The following STAU2 variants were observed in gnomAD, a reference collection of about 807,000 sequenced individuals.
STAU2 encodes staufen double-stranded RNA binding protein 2.
In STAU2, 20 loss-of-function variants were observed where a neutral mutation model predicts 65.9. The ratio of observed to expected loss-of-function variants is 0.30; its 90% CI spans 0.21 to 0.44. STAU2 has a LOEUF of 0.44. Ranked by LOEUF, STAU2 falls within the 20% of genes least tolerant of loss-of-function variation. The pLI, the probability that STAU2 is intolerant of heterozygous loss-of-function variation, is 1.00. For synonymous variants in STAU2, 232 were observed against 233.9 expected, an observed-to-expected ratio of 0.99 and a Z score of 0.07; for missense variants, 558 against 683.9, an observed-to-expected ratio of 0.82 and a Z score of 2.05.
At chr8:73,542,175 A>G (rs1806587339) in intron 13 of STAU2, among the ~76,000 whole-genome samples, 1 of 152,162 alleles carries the variant, frequency 6.6e-6, no homozygotes, top group Admixed American at 6.6e-5. Flanking sequence ...AAAGATATAC[A>G]AAGTATCTTA....
intron 12 of STAU2, among the ~76,000 whole-genome samples, chr8:73,554,298 T>C (rs1807560202): frequency 6.6e-6 from 1 of 152,246 alleles, no homozygotes. Context: ...AGCTTTGTGC[T>C]GGGCTGAGCA....
intron 6 of STAU2, among the ~76,000 whole-genome samples, chr8:73,626,504 C>T (rs1813651394): frequency 1.3e-5 from 2 of 152,146 alleles, no homozygotes; most frequent in Non-Finnish European, 2.9e-5. Flanking sequence ...GATCTTGTTG[C>T]TATTTACCCG....
intron 3 of STAU2, among the ~76,000 whole-genome samples, chr8:73,728,652 A>C (rs1402014878): frequency 6.6e-6 from 1 of 152,190 alleles, no homozygotes; most frequent in Non-Finnish European, 1.5e-5. Context: ...CAAGTCTTTC[A>C]TAAGCAAGTC....
In STAU2 at chr8:73,701,609, G is replaced by T. The variant is rs558161814; in HGVS notation, c.114+7423C>A. On this transcript the variant is annotated intron_variant, in intron 4 of 14. Coordinates refer to ENST00000524300, the MANE Select transcript of STAU2 (RefSeq NM_001164380.2). The stretch of plus-strand genomic sequence containing the variant: ...ATGCTGGCAAGGTTGTGGAGAAAAG[G>T]GTACCCTCATACGTTGTTAGCAAGA... 3.9e-5 allele frequency among the ~76,000 whole-genome samples: 6 copies of T among 152,054 alleles called. No individual in the cohort carries two copies. In the South Asian group the frequency reaches 1.2e-3, roughly 31 times the overall value.
At chr8:73,480,311 A>G (rs1227021950) in intron 13 of STAU2, among the ~76,000 whole-genome samples, 2 of 152,164 alleles carry the variant, frequency 1.3e-5, no homozygotes, top group East Asian at 3.9e-4. Context: ...TATCCAATGT[A>G]TAATAAATGT....
chr8:73,617,922 T>G (rs1812954850), intron 6 of STAU2, among the ~76,000 whole-genome samples: 1 of 152,214 alleles, frequency 6.6e-6, no homozygotes, highest in Admixed American at 6.5e-5. Flanking sequence ...AGATTCAGCA[T>G]AAGAATAAGG....
intron 13 of STAU2, among the ~76,000 whole-genome samples, chr8:73,472,267 ATG>A (rs1820077602): frequency 1.3e-5 from 2 of 152,360 alleles, no homozygotes; most frequent in East Asian, 3.9e-4. Context: ...AGTGCCGCTA[ATG>A]GACTAATGAT....
chr8:73,599,411 C>G (rs1260541427), intron 10 of STAU2, among the ~76,000 whole-genome samples: 1 of 152,062 alleles, frequency 6.6e-6, no homozygotes, highest in Non-Finnish European at 1.5e-5. Flanking sequence ...TCCCATATAT[C>G]AGTTTTTTTA....
chr8:73,577,823 A>G (rs1015683097), intron 12 of STAU2, among the ~76,000 whole-genome samples: 2 of 152,056 alleles, frequency 1.3e-5, no homozygotes, highest in African/African-American at 4.8e-5. Flanking sequence ...ATTGCTAAAC[A>G]TTTTTTCATG....
At chr8:73,497,527 G>C (rs182330472) in intron 13 of STAU2, among the ~76,000 whole-genome samples, 1 of 151,642 alleles carries the variant, frequency 6.6e-6, no homozygotes, top group Non-Finnish European at 1.5e-5. Flanking sequence ...CTGATACTCA[G>C]GTTCTAACTG....
intron 4 of STAU2, among the ~76,000 whole-genome samples, chr8:73,701,096 T>A (rs1348146027): frequency 6.6e-6 from 1 of 151,942 alleles, no homozygotes; most frequent in Non-Finnish European, 1.5e-5. Context: ...TAGACCCCTA[T>A]CTCTTGCCAT....
chr8:73,456,273 A>G lies in STAU2; in HGVS notation c.1531-33571T>C, dbSNP rs926327921. Among the ~76,000 whole-genome samples, 3 of 152,366 alleles carry G rather than the reference A, an allele frequency of 2.0e-5. No individual in the cohort carries two copies. In the South Asian group the frequency reaches 6.2e-4, roughly 32 times the overall value. ...ATATACAGTGTGGTCTATTTAAAACAGGTCCCAGTTGGTGATATAGAAGAC... is the reference window on the plus strand; with the variant it reads ...ATATACAGTGTGGTCTATTTAAAACGGGTCCCAGTTGGTGATATAGAAGAC... On this transcript the variant is annotated intron_variant, in intron 13 of 14. Transcript: ENST00000524300.
intron 13 of STAU2, among the ~76,000 whole-genome samples, chr8:73,473,754 C>A (rs1457499486): frequency 6.6e-6 from 1 of 152,160 alleles, no homozygotes; most frequent in East Asian, 1.9e-4. Flanking sequence ...TAAGTGCTCA[C>A]TAGCTAAAAA....
At chr8:73,662,247 T>C (rs1586219484) in intron 6 of STAU2, among the ~76,000 whole-genome samples, 1 of 152,354 alleles carries the variant, frequency 6.6e-6, no homozygotes, top group African/African-American at 2.4e-5. Context: ...GAGTTGTAGG[T>C]ATTCCTTTAT....
intron 1 of STAU2, among the ~76,000 whole-genome samples, chr8:73,746,478 C>T (rs1301429564): frequency 6.6e-6 from 1 of 151,894 alleles, no homozygotes; most frequent in East Asian, 2.0e-4. Flanking sequence ...CCGGCCTCCT[C>T]GCCTTCCTCC....
At chr8:73,577,380 T>C (rs1206446781) in intron 12 of STAU2, among the ~76,000 whole-genome samples, 1 of 150,950 alleles carries the variant, frequency 6.6e-6, no homozygotes, top group Non-Finnish European at 1.5e-5. Context: ...TGAGCCAAGA[T>C]TGCGCCACTG....
intron 13 of STAU2, among the ~76,000 whole-genome samples, chr8:73,483,489 T>C (rs1266625703): frequency 6.6e-6 from 1 of 150,674 alleles, no homozygotes; most frequent in Non-Finnish European, 1.5e-5. Context: ...ACCTTTGAAA[T>C]CTTATATTTC....
At chr8:73,543,888 T>C (rs1303458245) in intron 13 of STAU2, among the ~76,000 whole-genome samples, 1 of 152,204 alleles carries the variant, frequency 6.6e-6, no homozygotes, top group East Asian at 1.9e-4. Context: ...CTCTCAAATC[T>C]GTATGTACCA....
chr8:73,570,454 T>C (rs889753898), intron 12 of STAU2, among the ~76,000 whole-genome samples: 30 of 148,224 alleles, frequency 2.0e-4, no homozygotes, highest in African/African-American at 7.2e-4. Context: ...ACTATGTGAA[T>C]AGACCAAATC....
Sources: allele counts gnomAD v4.1 joint callset (sites outside exome capture counted in the v4.1 genomes callset), GRCh38; gene constraint gnomAD v4.1.1; transcripts MANE v1.5; gene names NCBI Gene and HGNC (gene_info 2026-07-23, HGNC 2026-07-21).